The following THAP4 variants were observed in gnomAD, a reference collection of about 807,000 sequenced individuals.
THAP4 encodes peroxynitrite isomerase THAP4.
A neutral mutation model predicts 48.1 loss-of-function variants in THAP4; 18 were observed. That is an observed-to-expected ratio of 0.37 (90% CI 0.26 to 0.56). The LOEUF (loss-of-function observed/expected upper bound fraction) is 0.56. THAP4 is among the 20% of genes least tolerant of loss of function. The probability of loss-of-function intolerance (pLI) is 0.78; values close to 1 mark genes in which losing one functional copy is unlikely to be tolerated. For synonymous variants in THAP4, 345 were observed against 324.9 expected (o/e 1.06, Z -0.66); for missense variants, 656 against 774.9 (o/e 0.85, Z 1.82).
rs1433261135 is a variant in THAP4, at chr2:241,616,124, C to A, written c.1241-9651G>T. 6.6e-6 allele frequency among the ~76,000 whole-genome samples: 1 copy of A among 152,196 alleles called. No individual in the cohort carries two copies. Among genetic ancestry groups the A allele is most frequent in the Non-Finnish European group, 1.5e-5 (1 of 68,022 alleles). On this transcript the variant is annotated intron_variant, in intron 2 of 5. Transcript: ENST00000407315. This position sits in a 1 kb window ranked among gnomAD's most constrained non-coding sequence, Gnocchi z 4.6. ...GAACTGGGCTTATCTGAAGTCTGGT[C>A]AAGTTGAACTGGACCATCTATTCCC... is the stretch of plus-strand genomic sequence containing the variant.
In THAP4 at chr2:241,602,046, AGAG is replaced by A. The variant is rs771265968; in HGVS notation, c.1511-50_1511-48del. On this transcript the variant is annotated intron_variant, in intron 4 of 5. Transcript: ENST00000407315. ...CTCACCCAGCAGCTGCTCGGCTTGC[AGAG>A]AGGCAGCCTTGACTCTCCTTGCCTG... 29 of 1,585,784 alleles carry A rather than the reference AGAG, an allele frequency of 1.8e-5. No homozygotes were observed. In the African/African-American group the frequency reaches 3.3e-4, roughly 18 times the overall value.
At chr2:241,628,090 C>G (rs1286696651) in intron 2 of THAP4, among the ~76,000 whole-genome samples, 1 of 152,106 alleles carries the variant, frequency 6.6e-6, no homozygotes, top group Non-Finnish European at 1.5e-5. Flanking sequence ...ACCCTGGGAG[C>G]ACATCCAACC....
chr2:241,634,560 A>C (rs1270858059), intron 1 of THAP4, among the ~76,000 whole-genome samples: 1 of 152,232 alleles, frequency 6.6e-6, no homozygotes, highest in East Asian at 1.9e-4. Context: ...GGCTGTGCGC[A>C]AGCAGCTGAG....
intron 5 of THAP4, among the ~76,000 whole-genome samples, chr2:241,600,849 C>A (rs1457699128): frequency 6.6e-6 from 1 of 151,962 alleles, no homozygotes; most frequent in East Asian, 1.9e-4. Context: ...GAGGCAACAA[C>A]AGGAAAGCTG....
At chr2:241,619,831 CGTGA>C (rs2067396035) in intron 2 of THAP4, among the ~76,000 whole-genome samples, 1 of 36,854 alleles carries the variant, frequency 2.7e-5, no homozygotes, top group East Asian at 1.4e-3. Flanking sequence ...AGTTGTGAGT[CGTGA>C]GTGAGGGGTG....
chr2:241,613,593 G>C (rs1001476815), intron 2 of THAP4, among the ~76,000 whole-genome samples: 1 of 151,968 alleles, frequency 6.6e-6, no homozygotes, highest in Non-Finnish European at 1.5e-5. Flanking sequence ...GTCTCTACCA[G>C]AACTACAAAA....
chr2:241,597,609 C>G (rs187337887), intron 5 of THAP4, among the ~76,000 whole-genome samples: 1 of 152,226 alleles, frequency 6.6e-6, no homozygotes, highest in Non-Finnish European at 1.5e-5. Flanking sequence ...CTTTCACCCC[C>G]GCACAAGCCT....
chr2:241,584,873 GC>G, intron 5 of THAP4, 148 bp from the exon 6 acceptor site: 4 of 953,606 alleles, frequency 4.2e-6, no homozygotes, highest in Non-Finnish European at 6.4e-6. Context: ...ACAGCCCAGG[GC>G]CCCTGGGCAT....
intron 2 of THAP4, among the ~76,000 whole-genome samples, chr2:241,631,855 G>A (rs2067566429): frequency 6.6e-6 from 1 of 151,392 alleles, no homozygotes. Flanking sequence ...GTCTATTTCT[G>A]CAGTTTTAAT....
chr2:241,588,174 G>A lies in THAP4; in HGVS notation c.1615-3449C>T, dbSNP rs149067127. 2.9e-3 allele frequency among the ~76,000 whole-genome samples: 439 copies of A among 151,546 alleles called. 3 individuals carry two copies. Among genetic ancestry groups the A allele is most frequent in the African/African-American group, 0.01 (427 of 41,268 alleles). On this transcript the variant is annotated intron_variant, in intron 5 of 5. Transcript: ENST00000407315. The stretch of plus-strand genomic sequence containing the variant: ...TTCTATATACTTGCAACAAATAAGT[G>A]GAAAATTAAAAAATCATTTATAATA...
chr2:241,601,546 T>C lies in THAP4; in HGVS notation c.1614+350A>G, dbSNP rs982395098. 6.6e-6 allele frequency among the ~76,000 whole-genome samples: 1 copy of C among 152,138 alleles called. No homozygotes were observed. The highest frequency in any genetic ancestry group is 1.5e-5 in the Non-Finnish European group (1 of 68,036). The stretch of plus-strand genomic sequence containing the variant: ...CATGAAGAAATACAATCTAACAGTG[T>C]GTATCAAATTTAAAATGTACCTGTC... On this transcript the variant is annotated intron_variant, in intron 5 of 5. Transcript: ENST00000407315. This position sits in a 1 kb window ranked among gnomAD's most constrained non-coding sequence, Gnocchi z 4.0.
chr2:241,617,786 C>A (rs189710266), intron 2 of THAP4, among the ~76,000 whole-genome samples: 7 of 152,290 alleles, frequency 4.6e-5, no homozygotes, highest in Admixed American at 3.9e-4. Context: ...TAAATGCTTT[C>A]TCTCTCCAGA....
At position 241,597,439 on chromosome 2, in the gene THAP4, ACTT is replaced by A. The variant is rs1458785418; in HGVS notation, c.1614+4454_1614+4456del. Among the ~76,000 whole-genome samples, 8 of 152,212 alleles carry A rather than the reference ACTT, an allele frequency of 5.3e-5. No individual in the cohort carries two copies. The South Asian group carries it at 1.2e-3, about 24-fold the overall frequency. Reference sequence around the variant, plus strand: ...GTGAGCCACTGCGCCCAGCTGGAAAACTTCTTTATGCAGCACATAAAGCTACAG... The same window carrying A: ...GTGAGCCACTGCGCCCAGCTGGAAAACTTTATGCAGCACATAAAGCTACAG... On this transcript the variant is annotated intron_variant, in intron 5 of 5. Transcript: ENST00000407315.
chr2:241,586,917 A>G lies in THAP4; in HGVS notation c.1615-2192T>C, dbSNP rs142823674. On this transcript the variant is annotated intron_variant, in intron 5 of 5. Coordinates refer to ENST00000407315, the MANE Select transcript of THAP4 (RefSeq NM_015963.6). ...CAGAAGAAGATAGGAAAGACAACAGAACACAAGCAATATTTGAAAAGATCA... is the reference window on the plus strand; with the variant it reads ...CAGAAGAAGATAGGAAAGACAACAGGACACAAGCAATATTTGAAAAGATCA... Among the ~76,000 whole-genome samples, 1,006 of 152,350 alleles carry G rather than the reference A, an allele frequency of 6.6e-3. 22 individuals are homozygous for G. Among genetic ancestry groups the G allele is most frequent in the African/African-American group, 0.023 (960 of 41,586 alleles).
intron 5 of THAP4, among the ~76,000 whole-genome samples, chr2:241,589,359 A>C (rs1043357812): frequency 6.6e-6 from 1 of 152,232 alleles, no homozygotes; most frequent in East Asian, 1.9e-4. Flanking sequence ...TAAAGGACTT[A>C]TACCCAGAAC....
At chr2:241,634,400 G>A (rs1222815117) in intron 1 of THAP4, among the ~76,000 whole-genome samples, 1 of 152,202 alleles carries the variant, frequency 6.6e-6, no homozygotes, top group Non-Finnish European at 1.5e-5. Context: ...TGCCAGGATG[G>A]CCTCAGGACA....
chr2:241,619,872 AG>A, intron 2 of THAP4, among the ~76,000 whole-genome samples: 1 of 32,382 alleles, frequency 3.1e-5, no homozygotes, highest in African/African-American at 1.3e-4. Flanking sequence ...GGAGTCGGTG[AG>A]TGAGGGGTGA....
At chr2:241,621,954 C>T (rs1012795767) in intron 2 of THAP4, among the ~76,000 whole-genome samples, 1 of 151,744 alleles carries the variant, frequency 6.6e-6, no homozygotes, top group Non-Finnish European at 1.5e-5. Context: ...AAAAAAAAAC[C>T]AAACCAAACC....
chr2:241,635,383 G>A (rs1295092555), intron 1 of THAP4, among the ~76,000 whole-genome samples: 1 of 152,198 alleles, frequency 6.6e-6, no homozygotes, highest in Non-Finnish European at 1.5e-5. Context: ...TACTGAATAG[G>A]ATGTTTAGTC....
Sources: allele counts gnomAD v4.1 joint callset (sites outside exome capture counted in the v4.1 genomes callset), GRCh38; gene constraint gnomAD v4.1.1; non-coding constraint Gnocchi (gnomAD v3.1); transcripts MANE v1.5; gene names NCBI Gene and HGNC (gene_info 2026-07-23, HGNC 2026-07-21).